The following GALNT13 variants were observed in gnomAD, a reference collection of about 807,000 sequenced individuals.
GALNT13 encodes polypeptide N-acetylgalactosaminyltransferase 13.
In GALNT13, 28 loss-of-function variants were observed where a neutral mutation model predicts 64.2. That is an observed-to-expected ratio of 0.44 (90% confidence interval 0.32 to 0.60). The LOEUF (loss-of-function observed/expected upper bound fraction) is 0.60, where lower values mean the gene tolerates loss of function less well. Among genes scored for constraint, GALNT13 ranks in the 20% least tolerant of loss-of-function variants. The probability of loss-of-function intolerance (pLI) is 0.05; values close to 1 mark genes in which losing one functional copy is unlikely to be tolerated. For missense variants in GALNT13, 577 were observed against 669.8 expected (o/e 0.86, Z 1.53); for synonymous variants, 214 against 224.6 (o/e 0.95, Z 0.42).
chr2:154,145,821 G>A (rs1683557995), intron 4 of GALNT13, among the ~76,000 whole-genome samples: 1 of 151,862 alleles, frequency 6.6e-6, no homozygotes, highest in South Asian at 2.1e-4. Context: ...TCGTGAGTAC[G>A]TGCTCATTTA....
At chr2:154,239,729 A>C (rs1418578295) in intron 4 of GALNT13, among the ~76,000 whole-genome samples, 1 of 152,180 alleles carries the variant, frequency 6.6e-6, no homozygotes, top group Non-Finnish European at 1.5e-5. Flanking sequence ...ATGCTTAATA[A>C]ATCTTTTTCA....
chr2:153,496,036 A>G, the GALNT13 span, among the ~76,000 whole-genome samples: 1 of 152,192 alleles, frequency 6.6e-6, no homozygotes, highest in African/African-American at 2.4e-5. Flanking sequence ...ATGGTGTCCA[A>G]ACAAATCAGT....
rs748438664 is a variant in GALNT13 at position 154,242,818 on chromosome 2, A to C, written c.599A>C (p.Lys200Thr). 6.2e-7 allele frequency: 1 copy of C among 1,614,202 alleles called. No homozygotes were observed. Among genetic ancestry groups the C allele is most frequent in the Non-Finnish European group, 8.5e-7 (1 of 1,180,028 alleles). ...CGTCTTCGAGGAGCAGCTGCTTCAA[A>C]AGGGCAGGTCATAACTTTTCTTGAT... The part of the protein sequence containing the change: ...RARLRGAAAS[K>T]GQVITFLDAH... The change falls in exon 6 of 13, where the codon AAA (lysine) becomes ACA (threonine). Residue 200 changes from lysine to threonine, a missense_variant. This residue lies in a region of GALNT13 where 341 missense variants were observed against 379.3 expected (regional missense o/e 0.90). Transcript: ENST00000392825.
At chr2:154,176,240 A>ATATATTAT (rs768768077) in intron 4 of GALNT13, among the ~76,000 whole-genome samples, 1 of 132,740 alleles carries the variant, frequency 7.5e-6, no homozygotes, top group Non-Finnish European at 1.6e-5. Flanking sequence ...GAACATATAT[A>ATATATTAT]TTATTTATTT....
At chr2:153,399,280 T>A in the GALNT13 span, among the ~76,000 whole-genome samples, 1 of 152,162 alleles carries the variant, frequency 6.6e-6, no homozygotes, top group Non-Finnish European at 1.5e-5. Context: ...TCCATTGATC[T>A]ATATCTCTGT....
chr2:154,272,937 G>T (rs1283886460), intron 8 of GALNT13, among the ~76,000 whole-genome samples: 2 of 152,068 alleles, frequency 1.3e-5, no homozygotes, highest in African/African-American at 4.8e-5. Flanking sequence ...TACAGATTGG[G>T]TTTGATTAAT....
chr2:154,376,354 G>A (rs1303116810), intron 9 of GALNT13, among the ~76,000 whole-genome samples: 1 of 151,590 alleles, frequency 6.6e-6, no homozygotes, highest in Non-Finnish European at 1.5e-5. Flanking sequence ...ATAAGAACAC[G>A]GGTCTTTTCC....
chr2:153,091,719 C>T, the GALNT13 span, among the ~76,000 whole-genome samples: 3 of 152,158 alleles, frequency 2.0e-5, no homozygotes, highest in Non-Finnish European at 4.4e-5. Context: ...GTTGTTTGAG[C>T]TCCTTATGTA....
the GALNT13 span, among the ~76,000 whole-genome samples, chr2:153,409,892 A>T: frequency 6.6e-6 from 1 of 152,236 alleles, no homozygotes; most frequent in African/African-American, 2.4e-5. Flanking sequence ...CAATGTGCCA[A>T]GAAAAATGCT....
the GALNT13 span, among the ~76,000 whole-genome samples, chr2:153,833,730 G>A: frequency 6.6e-6 from 1 of 152,190 alleles, no homozygotes; most frequent in Non-Finnish European, 1.5e-5. Context: ...GAAACAAGCA[G>A]CAGGCCAGAT....
intron 4 of GALNT13, among the ~76,000 whole-genome samples, chr2:154,174,553 C>T (rs1350138940): frequency 6.6e-6 from 1 of 152,212 alleles, no homozygotes; most frequent in East Asian, 1.9e-4. Context: ...TGAACATTAA[C>T]TTGTACTTGT....
chr2:153,985,320 A>G (rs547546845), intron 3 of GALNT13, among the ~76,000 whole-genome samples: 1 of 152,108 alleles, frequency 6.6e-6, no homozygotes, highest in South Asian at 2.1e-4. Flanking sequence ...CCTGAAGTCC[A>G]TTTGGCTGCA....
the GALNT13 span, among the ~76,000 whole-genome samples, chr2:153,337,397 T>C: frequency 2.0e-5 from 3 of 152,140 alleles, no homozygotes; most frequent in Non-Finnish European, 4.4e-5. Flanking sequence ...ATGATCATAA[T>C]AAATAATATT....
At chr2:153,690,079 A>G in the GALNT13 span, among the ~76,000 whole-genome samples, 5 of 152,024 alleles carry the variant, frequency 3.3e-5, no homozygotes, top group African/African-American at 4.8e-5. Flanking sequence ...AATTAAAGCT[A>G]TCTATTGAAT....
At chr2:153,771,198 A>C in the GALNT13 span, among the ~76,000 whole-genome samples, 1 of 152,208 alleles carries the variant, frequency 6.6e-6, no homozygotes, top group Non-Finnish European at 1.5e-5. Flanking sequence ...GAAAATACTT[A>C]AGTTCCTAAT....
At chr2:153,571,652 A>T in the GALNT13 span, among the ~76,000 whole-genome samples, 1 of 151,992 alleles carries the variant, frequency 6.6e-6, no homozygotes, top group African/African-American at 2.4e-5. Flanking sequence ...GGGCTTTAAC[A>T]TCAAGGGATG....
intron 3 of GALNT13, among the ~76,000 whole-genome samples, chr2:154,110,298 T>G (rs1480209141): frequency 0.062 from 1,092 of 17,478 alleles, 71 homozygotes; most frequent in East Asian, 0.094. Flanking sequence ...TATATATATA[T>G]ATATATATAT....
At chr2:153,110,258 C>T in the GALNT13 span, among the ~76,000 whole-genome samples, 1 of 152,010 alleles carries the variant, frequency 6.6e-6, no homozygotes, top group Non-Finnish European at 1.5e-5. Flanking sequence ...CCCCAATTTT[C>T]CACATACTGT....
the GALNT13 span, among the ~76,000 whole-genome samples, chr2:153,831,216 C>A: frequency 6.6e-6 from 1 of 152,068 alleles, no homozygotes; most frequent in Non-Finnish European, 1.5e-5. Flanking sequence ...TTCAGTTCAA[C>A]TTAAGTTATC....
Sources: gnomAD v4.1 joint callset for allele counts (sites outside exome capture counted in the v4.1 genomes callset) on GRCh38, gnomAD v4.1.1 for gene constraint, gnomAD v4.1.1 regional missense constraint, MANE v1.5 for transcripts, NCBI Gene and HGNC (gene_info 2026-07-23, HGNC 2026-07-21) for gene names.